ANKRD26: variants seen among roughly 807,000 people sequenced by gnomAD.
ANKRD26 encodes the protein ankyrin repeat domain 26, also known as ankyrin repeat domain-containing protein 26.
In ANKRD26, 141 loss-of-function variants were observed where a neutral mutation model predicts 208.7. The ratio of observed to expected loss-of-function variants is 0.68; its 90% confidence interval spans 0.59 to 0.78. The LOEUF is 0.78. ANKRD26 is among the 30% of genes least tolerant of loss of function. ANKRD26 has a pLI of 0.00. For missense variants in ANKRD26, 1,889 were observed against 1,938.7 expected (o/e 0.97, Z 0.48); for synonymous variants, 636 against 660.4 (o/e 0.96, Z 0.57).
the ANKRD26 span, among the ~76,000 whole-genome samples, chr10:26,953,562 T>G: frequency 6.6e-6 from 1 of 152,144 alleles, no homozygotes; most frequent in Non-Finnish European, 1.5e-5. Context: ...GGTAAGCACA[T>G]TTATTGGGAG....
intron 9 of ANKRD26, among the ~76,000 whole-genome samples, chr10:27,069,427 T>A (rs941920645): frequency 4.6e-5 from 7 of 152,044 alleles, no homozygotes; most frequent in Admixed American, 4.6e-4. Flanking sequence ...TGTCCACAGT[T>A]TGGGACATAT....
At chr10:27,082,511 G>C (rs371332652) in intron 6 of ANKRD26, among the ~76,000 whole-genome samples, 1 of 152,180 alleles carries the variant, frequency 6.6e-6, no homozygotes, top group African/African-American at 2.4e-5. Flanking sequence ...ATCCAGCACC[G>C]CACAGGTCTC....
chr10:27,077,599 T>C (rs1589347063), intron 8 of ANKRD26, 34 bp downstream of exon 8: 2 of 1,603,252 alleles, frequency 1.2e-6, no homozygotes. Flanking sequence ...AATCAGTGAA[T>C]AACACAAGAA....
chr10:26,981,354 G>A (rs1469964406), intron 4 of ANKRD26, among the ~76,000 whole-genome samples: 1 of 152,216 alleles, frequency 6.6e-6, no homozygotes, highest in Non-Finnish European at 1.5e-5. Flanking sequence ...TCTTTGTGCT[G>A]TGTGCTGAAG....
In ANKRD26 at chr10:26,984,331, G is replaced by T. The variant is rs992514620; in HGVS notation, c.490-1518C>A. 2.6e-5 allele frequency among the ~76,000 whole-genome samples: 4 copies of T among 152,298 alleles called. No homozygotes were observed. The East Asian group carries it at 7.7e-4, about 29-fold the overall frequency. ...ATCTGCTTCTAGTCCCAAGTCAAAG[G>T]TTGATATTGTTTAGTGAACTGGAGG... On this transcript the variant is annotated intron_variant and NMD_transcript_variant, in intron 3 of 5. Coordinates refer to the ANKRD26 transcript ENST00000674670.
At chr10:27,019,264 AAAAG>A (rs1463900029) in intron 29 of ANKRD26, among the ~76,000 whole-genome samples, 5 of 152,148 alleles carry the variant, frequency 3.3e-5, no homozygotes, top group Non-Finnish European at 7.4e-5. Context: ...TGGGTTAAAA[AAAAG>A]AAATTAATAA....
At chr10:27,025,737 C>G (rs752975452) in intron 27 of ANKRD26, among the ~76,000 whole-genome samples, 2 of 152,120 alleles carry the variant, frequency 1.3e-5, no homozygotes, top group Non-Finnish European at 2.9e-5. Context: ...CCTTCCATTC[C>G]TCTTTTTTAA....
At chr10:27,049,471 T>A (rs936499882) in intron 16 of ANKRD26, among the ~76,000 whole-genome samples, 2 of 152,190 alleles carry the variant, frequency 1.3e-5, no homozygotes, top group Admixed American at 6.5e-5. Flanking sequence ...TAATTCTTTT[T>A]TTCGTTTGGA....
chr10:27,053,271 A>G, intron 16 of ANKRD26, 49 bp downstream of exon 16: 1 of 1,340,450 alleles, frequency 7.5e-7, no homozygotes, highest in South Asian at 1.2e-5. Flanking sequence ...TACATCATTA[A>G]AGCAAAGAAA....
rs1431096704 is a variant in ANKRD26, at chr10:27,100,459, C to T, written c.-133G>A. 2 of 1,349,550 alleles carry T rather than the reference C, an allele frequency of 1.5e-6. No homozygotes were observed. The highest frequency in any genetic ancestry group is 1.0e-6 in the Non-Finnish European group (1 of 1,003,698). The allele number at this position is 1,349,550 out of a possible 1,614,324, so 83.6% of individuals were successfully genotyped here. The stretch of plus-strand genomic sequence containing the variant: ...GAAACTCCGCGGTTTCCAATCTCTC[C>T]CTCCGGGTTACCAAGCAAGCGATCC... On this transcript the variant is annotated 5_prime_UTR_variant, in exon 1 of 34. Coordinates refer to ENST00000376087, the MANE Select transcript of ANKRD26 (RefSeq NM_014915.3).
intron 3 of ANKRD26, among the ~76,000 whole-genome samples, chr10:27,092,908 C>A (rs1329924573): frequency 6.6e-6 from 1 of 152,056 alleles, no homozygotes; most frequent in Non-Finnish European, 1.5e-5. Flanking sequence ...CATGGCAAAA[C>A]CCCATCTCTA....
At chr10:26,971,988 C>A (rs1465805413), downstream of ANKRD26, among the ~76,000 whole-genome samples, 3 of 152,122 alleles carry the variant, frequency 2.0e-5, no homozygotes, top group Non-Finnish European at 2.9e-5. Flanking sequence ...GTAATCCCAG[C>A]ACTTTGGGAG....
At chr10:27,033,117 T>G (rs988795214) in intron 25 of ANKRD26, 108 bp downstream of exon 25, 1 of 732,554 alleles carries the variant, frequency 1.4e-6, no homozygotes, top group Non-Finnish European at 1.9e-6. Context: ...TTTAAATTAA[T>G]TATAATGAAA....
rs2052561878 is a variant in ANKRD26 at position 26,995,121 on chromosome 10, GTCAT to G, written c.585_588del (p.His196ProfsTer4). 4.2e-6 allele frequency: 2 copies of G among 471,054 alleles called. No homozygotes were observed. The highest frequency in any genetic ancestry group is 2.0e-5 in the African/African-American group (1 of 50,074). The allele number at this position is 471,054 out of a possible 1,614,324, so 29.2% of individuals were successfully genotyped here. ...GACATTGGTCAGTCATCAGAACATA[GTCAT>G]GAGGGGTTTCATCAGAAGGTCCCTG... On this transcript the variant is annotated frameshift_variant, in exon 5 of 6. Coordinates refer to the ANKRD26 transcript ENST00000445828. LOFTEE classifies it high-confidence loss of function.
intron 5 of ANKRD26, among the ~76,000 whole-genome samples, chr10:27,084,929 G>A (rs919805175): frequency 6.7e-6 from 1 of 148,310 alleles, no homozygotes; most frequent in Non-Finnish European, 1.5e-5. Context: ...TTTTTTTAGA[G>A]TCTCCCATTG....
intron 29 of ANKRD26, among the ~76,000 whole-genome samples, chr10:27,018,911 C>T (rs2053394535): frequency 6.6e-6 from 1 of 152,146 alleles, no homozygotes; most frequent in Admixed American, 6.5e-5. Flanking sequence ...GAAATTGCTT[C>T]AGGACATTGG....
At chr10:27,062,998 C>G (rs1242022859) in intron 12 of ANKRD26, among the ~76,000 whole-genome samples, 2 of 152,066 alleles carry the variant, frequency 1.3e-5, no homozygotes, top group Non-Finnish European at 2.9e-5. Context: ...GAACTCCTGA[C>G]CTCAGGTGAT....
At chr10:27,039,870 C>T in intron 21 of ANKRD26, 95 bp downstream of exon 21, 2 of 1,207,866 alleles carry the variant, frequency 1.7e-6, no homozygotes, top group Non-Finnish European at 2.4e-6. Flanking sequence ...GTTTTCTTCC[C>T]TGCTAAGCCC....
At chr10:27,033,140 G>A (rs1480380899) in intron 25 of ANKRD26, 85 bp downstream of exon 25, 3 of 960,990 alleles carry the variant, frequency 3.1e-6, no homozygotes, top group Non-Finnish European at 4.4e-6. Flanking sequence ...ACAAAAGAAG[G>A]CTACCCACTA....
Sources: allele counts gnomAD v4.1 joint callset (sites outside exome capture counted in the v4.1 genomes callset), GRCh38; gene constraint gnomAD v4.1.1; transcripts MANE v1.5; gene names NCBI Gene and HGNC (gene_info 2026-07-23, HGNC 2026-07-21).